Variants in ABI1 observed in about 807,000 individuals in gnomAD.
ABI1 encodes the protein Abelson interactor 1.
In ABI1, 14 loss-of-function variants were observed where a neutral mutation model predicts 54.6. The observed-to-expected ratio is 0.26, with a 90% confidence interval of 0.17 to 0.40. The LOEUF is 0.40. ABI1 is among the 10% of genes least tolerant of loss of function. ABI1 has a pLI of 1.00. For missense variants in ABI1, 443 were observed against 598.3 expected (o/e 0.74, Z 2.71); for synonymous variants, 194 against 209.3 (o/e 0.93, Z 0.63).
chr10:26,818,368 C>T (rs555461066), intron 2 of ABI1, among the ~76,000 whole-genome samples: 3 of 151,510 alleles, frequency 2.0e-5, no homozygotes, highest in African/African-American at 7.3e-5. Flanking sequence ...TCTGTAATCC[C>T]AGCACTTTAG....
rs183606369 is a variant in ABI1, at chr10:26,768,205, A to G, written c.719+647T>C. The stretch of plus-strand genomic sequence containing the variant: ...CCTATGATATTTAATCTTTTCTCCA[A>G]AAGTATTTGAGTGGTTTGCCTTGAA... On this transcript the variant is annotated intron_variant, in intron 6 of 10. Transcript: ENST00000376140. Among the ~76,000 whole-genome samples the G allele has an allele frequency of 5.3e-5, 8 of 152,148 alleles. No individual in the cohort carries two copies. In the East Asian group the frequency reaches 1.5e-3, roughly 29 times the overall value.
At chr10:26,856,332 G>A (rs1431925786) in intron 1 of ABI1, among the ~76,000 whole-genome samples, 2 of 145,344 alleles carry the variant, frequency 1.4e-5, no homozygotes, top group South Asian at 2.2e-4. Flanking sequence ...ATTTGGAATC[G>A]AGAAAATCTG....
chr10:26,779,537 C>T (rs1482895278), intron 2 of ABI1, among the ~76,000 whole-genome samples: 3 of 151,704 alleles, frequency 2.0e-5, no homozygotes, highest in Non-Finnish European at 4.4e-5. Context: ...CAGAGACATA[C>T]ATCTACACTG....
chr10:26,760,391 G>T (rs1838973677), intron 7 of ABI1, among the ~76,000 whole-genome samples: 1 of 152,172 alleles, frequency 6.6e-6, no homozygotes, highest in South Asian at 2.1e-4. Context: ...CAAGGTATCA[G>T]ATAAAACCAT....
chr10:26,853,329 T>G (rs953576967), intron 1 of ABI1, among the ~76,000 whole-genome samples: 1 of 151,646 alleles, frequency 6.6e-6, no homozygotes, highest in African/African-American at 2.4e-5. Flanking sequence ...AATCCCTTTT[T>G]TCTAACATGA....
intron 2 of ABI1, among the ~76,000 whole-genome samples, chr10:26,813,947 A>C (rs918601102): frequency 2.0e-5 from 3 of 152,206 alleles, no homozygotes; most frequent in Non-Finnish European, 4.4e-5. Context: ...ATCCTCAATA[A>C]TTTAAGATGT....
chr10:26,792,196 G>A (rs1196551856), intron 2 of ABI1, among the ~76,000 whole-genome samples: 1 of 152,186 alleles, frequency 6.6e-6, no homozygotes, highest in Non-Finnish European at 1.5e-5. Flanking sequence ...CTAGTTTTTA[G>A]TTTTAACGAT....
chr10:26,807,760 G>GT (rs2046966077), intron 2 of ABI1, among the ~76,000 whole-genome samples: 1 of 152,144 alleles, frequency 6.6e-6, no homozygotes, highest in African/African-American at 2.4e-5. Context: ...TCCTAACTGA[G>GT]TTTTAGCTGT....
chr10:26,792,914 G>A lies in ABI1; in HGVS notation c.286-15673C>T, dbSNP rs562577498. ...AAATAACACATATGCTTCTTTTAAA[G>A]ATCTTCCAGAAAAATCCTTCTTAAT... On this transcript the variant is annotated intron_variant, in intron 2 of 10. Coordinates refer to ENST00000376140, the MANE Select transcript of ABI1 (RefSeq NM_001012750.3). Among the ~76,000 whole-genome samples, 12 of 152,206 alleles carry A rather than the reference G, an allele frequency of 7.9e-5. No homozygotes were observed. The East Asian group carries it at 2.3e-3, about 29-fold the overall frequency.
intron 8 of ABI1, among the ~76,000 whole-genome samples, chr10:26,757,980 A>C (rs1838533949): frequency 6.7e-6 from 1 of 149,886 alleles, no homozygotes; most frequent in Admixed American, 6.7e-5. Flanking sequence ...AGGCAGGAGA[A>C]TCGCTTGATC....
At chr10:26,748,774 T>G (rs1487567875) in intron 10 of ABI1, 29 bp from the exon 11 acceptor site, 1 of 1,521,898 alleles carries the variant, frequency 6.6e-7, no homozygotes, top group Non-Finnish European at 9.0e-7. Flanking sequence ...AAATATCACA[T>G]GAGTGCACTA....
At chr10:26,761,819 T>A (rs1277906825) in intron 7 of ABI1, among the ~76,000 whole-genome samples, 1 of 151,500 alleles carries the variant, frequency 6.6e-6, no homozygotes, top group Non-Finnish European at 1.5e-5. Context: ...CATATCAATG[T>A]CATTCATTTT....
chr10:26,786,580 A>C (rs1258667874), intron 2 of ABI1, among the ~76,000 whole-genome samples: 1 of 152,190 alleles, frequency 6.6e-6, no homozygotes, highest in African/African-American at 2.4e-5. Context: ...TACAAATTTT[A>C]GCTCAGTTCT....
chr10:26,777,235 CCA>C lies in ABI1; in HGVS notation c.290_291del (p.Val97GlyfsTer4), dbSNP rs1407135950. On this transcript the variant is annotated frameshift_variant, in exon 3 of 11. Transcript: ENST00000376140. LOFTEE classifies it high-confidence loss of function. ...CGTGCCACTTTCTCCTTATGAATAT[CCA>C]CAGTCTATATTTTAATTTGAACAAA... ...ESSINHISQT[V>X]DIHKEKVARR... 1.2e-6 allele frequency: 2 copies of C among 1,604,478 alleles called. No individual in the cohort carries two copies. The highest frequency in any genetic ancestry group is 1.3e-5 in the African/African-American group (1 of 74,262).
intron 2 of ABI1, among the ~76,000 whole-genome samples, chr10:26,818,932 G>A (rs2047779407): frequency 6.6e-6 from 1 of 152,188 alleles, no homozygotes; most frequent in African/African-American, 2.4e-5. Flanking sequence ...GGCAGAGGTT[G>A]CAGTGAGCCG....
chr10:26,751,973 G>A (rs1837692962), intron 9 of ABI1, among the ~76,000 whole-genome samples, 190 bp from the exon 10 acceptor site: 1 of 152,120 alleles, frequency 6.6e-6, no homozygotes, highest in Admixed American at 6.6e-5. Context: ...AACAAAATGA[G>A]CTAAAAATAA....
chr10:26,837,437 T>C (rs2049160086), intron 1 of ABI1, among the ~76,000 whole-genome samples: 2 of 151,682 alleles, frequency 1.3e-5, no homozygotes, highest in South Asian at 4.2e-4. Context: ...TCCAACACAG[T>C]CACATGGTGG....
At chr10:26,795,030 G>C (rs2133258942) in intron 2 of ABI1, among the ~76,000 whole-genome samples, 1 of 152,150 alleles carries the variant, frequency 6.6e-6, no homozygotes, top group South Asian at 2.1e-4. Flanking sequence ...TGTAATCCCA[G>C]CTACTCGGGA....
chr10:26,832,240 G>T (rs909485906), intron 1 of ABI1, among the ~76,000 whole-genome samples: 1 of 152,152 alleles, frequency 6.6e-6, no homozygotes, highest in Non-Finnish European at 1.5e-5. Context: ...TAGAATTCAT[G>T]AAATACAGTA....
Sources: allele counts gnomAD v4.1 joint callset (sites outside exome capture counted in the v4.1 genomes callset), GRCh38; gene constraint gnomAD v4.1.1; transcripts MANE v1.5; gene names NCBI Gene and HGNC (gene_info 2026-07-23, HGNC 2026-07-21).